The following RAI14 variants were observed in gnomAD, a reference collection of about 807,000 sequenced individuals.
RAI14 encodes retinoic acid induced 14.
A neutral mutation model predicts 115.4 loss-of-function variants in RAI14; 45 were observed. The ratio of observed to expected loss-of-function variants is 0.39; its 90% CI spans 0.31 to 0.50. The LOEUF is 0.50. Ranked by LOEUF, RAI14 falls within the 20% of genes least tolerant of loss-of-function variation. The pLI, the probability that RAI14 is intolerant of heterozygous loss-of-function variation, is 0.85. For missense variants in RAI14, 939 were observed against 1,131.2 expected (o/e 0.83, Z 2.44); for synonymous variants, 371 against 415.4 (o/e 0.89, Z 1.30).
intron 2 of RAI14, among the ~76,000 whole-genome samples, chr5:34,727,261 G>T (rs1580049305): frequency 1.3e-5 from 2 of 152,192 alleles, no homozygotes; most frequent in Admixed American, 6.5e-5. Flanking sequence ...GTGGAACTTT[G>T]AAGTTGAGAG....
At position 34,827,380 on chromosome 5, in the gene RAI14, G is replaced by T. The variant is rs1033079731; in HGVS notation, c.2799+901G>T. ...CACAGGTTCTGGGGATTAGGATGTG[G>T]ACATCTTTCAAGAGCCATTATTTAG... is the stretch of plus-strand genomic sequence containing the variant. On this transcript the variant is annotated intron_variant, in intron 16 of 17. Transcript: ENST00000265109. This position sits in a 1 kb window ranked among gnomAD's most constrained non-coding sequence, Gnocchi z 4.2. 6.6e-6 allele frequency among the ~76,000 whole-genome samples: 1 copy of T among 152,148 alleles called. No homozygotes were observed. The highest frequency in any genetic ancestry group is 1.5e-5 in the Non-Finnish European group (1 of 68,032).
intron 2 of RAI14, among the ~76,000 whole-genome samples, chr5:34,720,577 ATTTTTTGTAT>A (rs1742573770): frequency 6.6e-6 from 1 of 151,382 alleles, no homozygotes; most frequent in Non-Finnish European, 1.5e-5. Context: ...CGCCCAGCTA[ATTTTTTGTAT>A]TTTTAGTAGA....
chr5:34,687,341 C>T (rs1737967852), intron 2 of RAI14, among the ~76,000 whole-genome samples: 1 of 152,060 alleles, frequency 6.6e-6, no homozygotes. Context: ...TTAGGAATGA[C>T]ATATTAGCAT....
chr5:34,757,638 GT>G, intron 3 of RAI14, 40 bp downstream of exon 3: 1 of 1,562,826 alleles, frequency 6.4e-7, no homozygotes, highest in South Asian at 1.2e-5. Flanking sequence ...CTGGTTCTGG[GT>G]TTTTGGGGTG....
chr5:34,822,106 A>T (rs1477751556), intron 14 of RAI14, among the ~76,000 whole-genome samples: 2 of 149,234 alleles, frequency 1.3e-5, no homozygotes, highest in East Asian at 3.9e-4. Context: ...TGTTTAATAA[A>T]TTATATAAAT....
intron 5 of RAI14, 121 bp downstream of exon 5, chr5:34,803,897 G>A: frequency 1.2e-6 from 1 of 837,270 alleles, no homozygotes; most frequent in South Asian, 1.8e-5. Flanking sequence ...CCCCAAACCT[G>A]TGTTTCCTAA....
chr5:34,819,961 A>T (rs1271873393), intron 13 of RAI14, among the ~76,000 whole-genome samples: 1 of 152,140 alleles, frequency 6.6e-6, no homozygotes, highest in Non-Finnish European at 1.5e-5. Flanking sequence ...AACTAAACAA[A>T]TGTTACATTG....
intron 2 of RAI14, among the ~76,000 whole-genome samples, chr5:34,720,303 G>A (rs1742508380): frequency 6.6e-6 from 1 of 151,864 alleles, no homozygotes; most frequent in African/African-American, 2.4e-5. Context: ...ATTTAAGGGA[G>A]GATGATGGGT....
chr5:34,813,521 CTT>C, intron 10 of RAI14, 51 bp from the exon 11 acceptor site: 1 of 1,350,002 alleles, frequency 7.4e-7, no homozygotes, highest in Non-Finnish European at 1.0e-6. Context: ...CTTGCCCAGA[CTT>C]TACTAACCAA....
chr5:34,698,185 T>C (rs981006560), intron 2 of RAI14, among the ~76,000 whole-genome samples: 1 of 19,572 alleles, frequency 5.1e-5, no homozygotes, highest in Non-Finnish European at 1.2e-4. Context: ...CTTCCCCTCC[T>C]CCCTTCCCCT....
intron 1 of RAI14, among the ~76,000 whole-genome samples, chr5:34,678,101 TTTG>T (rs1378379589): frequency 4.9e-5 from 6 of 121,906 alleles, no homozygotes; most frequent in Non-Finnish European, 5.8e-5. Flanking sequence ...TTTGTTTTGT[TTTG>T]TTTTTTTTTT....
chr5:34,677,984 C>T (rs973938160), intron 1 of RAI14, among the ~76,000 whole-genome samples: 3 of 152,190 alleles, frequency 2.0e-5, no homozygotes, highest in Admixed American at 2.0e-4. Flanking sequence ...CCCTGCTACC[C>T]GGCCTCCTGC....
chr5:34,781,773 A>C (rs570357357), intron 3 of RAI14, among the ~76,000 whole-genome samples: 69 of 152,318 alleles, frequency 4.5e-4, no homozygotes, highest in African/African-American at 1.6e-3. Context: ...ATGTGTCTAC[A>C]CTTGCTGAGA....
In RAI14 at chr5:34,827,804, C is replaced by T. The variant is rs1757600319; in HGVS notation, c.2799+1325C>T. ...TCTTACATCAGTATTATACATGGGG[C>T]TGATGATATAAAATGAGTAAGACTC... On this transcript the variant is annotated intron_variant, in intron 16 of 17. Transcript: ENST00000265109. The surrounding 1 kb of genome is among the most constrained non-coding windows in gnomAD (Gnocchi z 4.2). Among the ~76,000 whole-genome samples, 1 of 152,136 alleles carries T rather than the reference C, an allele frequency of 6.6e-6. No homozygotes were observed. The highest frequency in any genetic ancestry group is 6.5e-5 in the Admixed American group (1 of 15,276).
chr5:34,701,428 G>A (rs34456907), intron 2 of RAI14, among the ~76,000 whole-genome samples: 7 of 151,938 alleles, frequency 4.6e-5, no homozygotes, highest in African/African-American at 1.7e-4. Context: ...TAGGAAACAT[G>A]TGTCATCTGT....
At chr5:34,763,921 G>A (rs1749007913) in intron 3 of RAI14, among the ~76,000 whole-genome samples, 2 of 152,146 alleles carry the variant, frequency 1.3e-5, no homozygotes, top group Admixed American at 1.3e-4. Flanking sequence ...AGTGGTTTCG[G>A]CTCACTGCAA....
chr5:34,725,956 G>T, intron 2 of RAI14, among the ~76,000 whole-genome samples: 1 of 105,850 alleles, frequency 9.4e-6, no homozygotes, highest in South Asian at 2.9e-4. Flanking sequence ...GAGCGAAACT[G>T]CTTCTCAAAA....
At chr5:34,657,302 CGGTTTA>C (rs1235677786) in intron 1 of RAI14, 1 of 151,862 alleles carries the variant, frequency 6.6e-6, no homozygotes, top group East Asian at 1.9e-4. Flanking sequence ...AGGTTGGTGT[CGGTTTA>C]GTTTCTGCGG....
intron 3 of RAI14, among the ~76,000 whole-genome samples, chr5:34,783,937 A>T (rs1315909296): frequency 6.6e-6 from 1 of 152,230 alleles, no homozygotes; most frequent in Non-Finnish European, 1.5e-5. Flanking sequence ...TAGCCCAGAC[A>T]AAGTGAGAAA....
Sources: allele counts gnomAD v4.1 joint callset (sites outside exome capture counted in the v4.1 genomes callset), GRCh38; gene constraint gnomAD v4.1.1; non-coding constraint Gnocchi (gnomAD v3.1); transcripts MANE v1.5; gene names NCBI Gene and HGNC (gene_info 2026-07-23, HGNC 2026-07-21).